CDH18: variants seen among roughly 807,000 people sequenced by gnomAD.
CDH18 encodes cadherin-18.
A neutral mutation model predicts 67.9 loss-of-function variants in CDH18; 31 were observed. The ratio of observed to expected loss-of-function variants is 0.46; its 90% CI spans 0.34 to 0.62. The LOEUF is 0.62. Among genes scored for constraint, CDH18 ranks in the 20% least tolerant of loss-of-function variants. The pLI, the probability that CDH18 is intolerant of heterozygous loss-of-function variation, is 0.01. For missense variants in CDH18, 890 were observed against 975.5 expected, an observed-to-expected ratio of 0.91 and a Z score of 1.17; for synonymous variants, 362 against 347.2, an observed-to-expected ratio of 1.04 and a Z score of -0.48.
At chr5:20,508,323 T>TTATATATATATATATA (rs55885279) in intron 1 of CDH18, among the ~76,000 whole-genome samples, 5 of 111,192 alleles carry the variant, frequency 4.5e-5, no homozygotes, top group Admixed American at 1.0e-4. Context: ...ATGACTATGA[T>TTATATATATATATATA]TATATATATA....
chr5:20,490,628 T>C (rs1753532912), intron 1 of CDH18, among the ~76,000 whole-genome samples: 1 of 152,026 alleles, frequency 6.6e-6, no homozygotes. Context: ...AAGAGGAGGG[T>C]AAGTAAGTAC....
intron 2 of CDH18, among the ~76,000 whole-genome samples, chr5:20,085,075 C>A (rs1744826864): frequency 6.6e-6 from 1 of 152,152 alleles, no homozygotes; most frequent in South Asian, 2.1e-4. Flanking sequence ...TGTCAGGCTG[C>A]AAATTTTCCA....
chr5:19,609,402 A>G (rs181825110), intron 6 of CDH18, among the ~76,000 whole-genome samples: 34 of 152,048 alleles, frequency 2.2e-4, no homozygotes, highest in African/African-American at 7.9e-4. Flanking sequence ...TCCAGTCTCT[A>G]TGCTCCTTTT....
Position 20,383,945 on chromosome 5 carries a change from G to A in CDH18, c.-579-128440C>T, listed in dbSNP as rs1744109915. 2.0e-5 allele frequency among the ~76,000 whole-genome samples: 3 copies of A among 151,826 alleles called. No homozygotes were observed. In the South Asian group the frequency reaches 6.2e-4, roughly 32 times the overall value. ...ACAACCAGACAAGAATGACTTATGA[G>A]AAAAGGGATCTAAAATTTAAATTCA... is the stretch of plus-strand genomic sequence containing the variant. On this transcript the variant is annotated intron_variant, in intron 1 of 14. Coordinates refer to the CDH18 transcript ENST00000507958.
At chr5:19,994,294 TACATATATAC>T (rs1414592495) in intron 2 of CDH18, among the ~76,000 whole-genome samples, 2 of 151,470 alleles carry the variant, frequency 1.3e-5, no homozygotes, top group Non-Finnish European at 2.9e-5. Flanking sequence ...CATATATGTA[TACATATATAC>T]ACATATATGT....
intron 2 of CDH18, among the ~76,000 whole-genome samples, chr5:20,072,651 C>G (rs1743582474): frequency 6.6e-6 from 1 of 151,942 alleles, no homozygotes; most frequent in Non-Finnish European, 1.5e-5. Flanking sequence ...GTGCAATGAA[C>G]AGTTCACAGC....
chr5:20,448,041 A>C (rs1221027448), intron 1 of CDH18, among the ~76,000 whole-genome samples: 1 of 151,906 alleles, frequency 6.6e-6, no homozygotes, highest in Admixed American at 6.6e-5. Flanking sequence ...TCCTAATGCT[A>C]TCCGTCCCCT....
chr5:20,546,165 C>T (rs752962586), intron 1 of CDH18, among the ~76,000 whole-genome samples: 3 of 152,160 alleles, frequency 2.0e-5, no homozygotes, highest in African/African-American at 4.8e-5. Flanking sequence ...GAGACCACCT[C>T]AGCCTGGACT....
intron 2 of CDH18, among the ~76,000 whole-genome samples, chr5:20,070,041 T>G (rs573946930): frequency 6.6e-6 from 1 of 152,240 alleles, no homozygotes. Flanking sequence ...CCCTAGAAAT[T>G]TTCTGTGCTC....
intron 5 of CDH18, among the ~76,000 whole-genome samples, chr5:19,666,315 C>G (rs1757943446): frequency 6.7e-6 from 1 of 149,002 alleles, no homozygotes; most frequent in Non-Finnish European, 1.5e-5. Flanking sequence ...ATCAGGTATC[C>G]CAGGCTGGTC....
At chr5:19,641,931 T>C (rs4866147) in intron 5 of CDH18, among the ~76,000 whole-genome samples, 84,633 of 151,812 alleles carry the variant, frequency 0.56, 26,769 homozygotes, top group South Asian at 0.75. Flanking sequence ...TCTGCATATA[T>C]GTAGAGGTAC....
chr5:19,571,893 T>A, intron 7 of CDH18, 61 bp from the exon 8 acceptor site: 1 of 1,338,522 alleles, frequency 7.5e-7, no homozygotes, highest in Non-Finnish European at 1.0e-6. Flanking sequence ...TGACTTTCAT[T>A]ACTTTTCAAA....
At chr5:20,501,526 T>G (rs1754266644) in intron 1 of CDH18, among the ~76,000 whole-genome samples, 1 of 64,966 alleles carries the variant, frequency 1.5e-5, no homozygotes, top group African/African-American at 4.8e-5. Flanking sequence ...TATATACATA[T>G]TATATATATT....
intron 2 of CDH18, among the ~76,000 whole-genome samples, chr5:20,034,562 T>C (rs1580087201): frequency 6.6e-6 from 1 of 152,154 alleles, no homozygotes; most frequent in East Asian, 1.9e-4. Flanking sequence ...CAATATTGGT[T>C]GGCCTCATTC....
chr5:19,617,761 G>A (rs1217576465), intron 5 of CDH18, among the ~76,000 whole-genome samples: 2 of 152,094 alleles, frequency 1.3e-5, no homozygotes, highest in Non-Finnish European at 1.5e-5. Context: ...CCGATTGCCT[G>A]CAAATTACCT....
intron 1 of CDH18, among the ~76,000 whole-genome samples, chr5:20,364,567 A>T (rs956646784): frequency 6.6e-6 from 1 of 152,188 alleles, no homozygotes; most frequent in Admixed American, 6.5e-5. Flanking sequence ...CCTGAATTCA[A>T]TTATATTCAA....
At chr5:20,339,609 C>T (rs916382116) in intron 1 of CDH18, among the ~76,000 whole-genome samples, 39 of 151,996 alleles carry the variant, frequency 2.6e-4, no homozygotes, top group African/African-American at 9.4e-4. Flanking sequence ...TCCTAGAACC[C>T]CGTCAAACTT....
chr5:20,371,202 A>G (rs1742972536), intron 1 of CDH18, among the ~76,000 whole-genome samples: 1 of 152,100 alleles, frequency 6.6e-6, no homozygotes, highest in Admixed American at 6.5e-5. Context: ...GTTGGTGAGG[A>G]TAAAGGAATC....
At chr5:20,374,494 A>G (rs913124181) in intron 1 of CDH18, among the ~76,000 whole-genome samples, 1 of 152,180 alleles carries the variant, frequency 6.6e-6, no homozygotes, top group African/African-American at 2.4e-5. Context: ...ATTTAATCTA[A>G]GGAATTCCCT....
Sources: gnomAD v4.1 joint callset for allele counts (sites outside exome capture counted in the v4.1 genomes callset) on GRCh38, gnomAD v4.1.1 for gene constraint, MANE v1.5 for transcripts, NCBI Gene and HGNC (gene_info 2026-07-23, HGNC 2026-07-21) for gene names.